The following ZEB1 variants were observed in gnomAD, a reference collection of about 807,000 sequenced individuals.
ZEB1 encodes the protein zinc finger E-box-binding homeobox 1.
In ZEB1, 21 loss-of-function variants were observed where a neutral mutation model predicts 84.9. The ratio of observed to expected loss-of-function variants is 0.25; its 90% CI spans 0.18 to 0.36. The LOEUF is 0.36. Ranked by LOEUF, ZEB1 falls within the 10% of genes least tolerant of loss-of-function variation. The pLI is 1.00. For synonymous variants in ZEB1, 420 were observed against 471.1 expected, an observed-to-expected ratio of 0.89 and a Z score of 1.41; for missense variants, 1,104 against 1,330.2, an observed-to-expected ratio of 0.83 and a Z score of 2.65.
intron 1 of ZEB1, among the ~76,000 whole-genome samples, chr10:31,440,250 A>G (rs77648976): frequency 1.3e-5 from 2 of 152,142 alleles, no homozygotes; most frequent in Non-Finnish European, 1.5e-5. Context: ...GTATTTGGCT[A>G]TGGTAAAAAA....
intron 8 of ZEB1, among the ~76,000 whole-genome samples, chr10:31,525,997 C>T (rs1220921512): frequency 6.6e-6 from 1 of 152,174 alleles, no homozygotes; most frequent in Non-Finnish European, 1.5e-5. Context: ...TGGACATTAT[C>T]GATCCTGACT....
chr10:31,445,389 T>A (rs2059625640), intron 1 of ZEB1, among the ~76,000 whole-genome samples: 1 of 148,786 alleles, frequency 6.7e-6, no homozygotes, highest in Non-Finnish European at 1.5e-5. Flanking sequence ...CCTCTTTTCC[T>A]AATTGAATAC....
At chr10:31,409,822 G>A (rs1196164215) in intron 1 of ZEB1, among the ~76,000 whole-genome samples, 1 of 152,096 alleles carries the variant, frequency 6.6e-6, no homozygotes, top group Non-Finnish European at 1.5e-5. Context: ...TTTATTATTA[G>A]TGTATAGGAA....
chr10:31,520,435 C>A lies in ZEB1; in HGVS notation c.1103C>A (p.Ser368Ter). 1 of 1,613,986 alleles carries A rather than the reference C, an allele frequency of 6.2e-7. No individual in the cohort carries two copies. Among genetic ancestry groups the A allele is most frequent in the South Asian group, 1.1e-5 (1 of 91,078 alleles). ...GTGGTTGCTTCAGGAATCAACTGTT[C>A]AACCCCTTTACAAAATGGGGTTTTC... is the stretch of plus-strand genomic sequence containing the variant. The part of the protein sequence containing the change: ...PIVVASGINC[S>*]TPLQNGVFTG... The change falls in exon 7 of 9, where the codon TCA becomes TAA. Residue 368 changes from serine to a stop codon, truncating the protein, a stop_gained. Transcript: ENST00000424869. LOFTEE classifies it high-confidence loss of function. This position sits in a 1 kb window ranked among gnomAD's most constrained non-coding sequence, Gnocchi z 5.1.
chr10:31,413,924 A>G lies in ZEB1; in HGVS notation c.59-47113A>G, dbSNP rs1337747686. Among the ~76,000 whole-genome samples, 3 of 152,280 alleles carry G rather than the reference A, an allele frequency of 2.0e-5. No homozygotes were observed. The East Asian group carries it at 5.8e-4, about 29-fold the overall frequency. ...AAACAGCTCTGTTGGTTTCCTGCTC[A>G]TGCATTAGAGCTTGTCCATAGCCAC... On this transcript the variant is annotated intron_variant, in intron 1 of 8. Transcript: ENST00000424869.
rs35031058 is a variant in ZEB1, at chr10:31,429,733, CTTTTTTTTTT to C, written c.59-31286_59-31277del. Among the ~76,000 whole-genome samples the C allele has an allele frequency of 1.5e-4, 12 of 79,542 alleles. No homozygotes were observed. The Admixed American group carries it at 1.5e-3, about 10-fold the overall frequency. The allele number at this position is 79,542 out of a possible 152,430, so 52.2% of individuals were successfully genotyped here. On this transcript the variant is annotated intron_variant, in intron 1 of 8. Transcript: ENST00000424869. Reference sequence around the variant, plus strand: ...CTGTTGTGAATACTTACAGGCAGAACTTTTTTTTTTTTTTTTTTTTTTTTTTTGAGACGAA... The same window carrying C: ...CTGTTGTGAATACTTACAGGCAGAACTTTTTTTTTTTTTTTTTGAGACGAA...
At chr10:31,441,854 TGA>T (rs2059036635) in intron 1 of ZEB1, among the ~76,000 whole-genome samples, 1 of 152,152 alleles carries the variant, frequency 6.6e-6, no homozygotes, top group African/African-American at 2.4e-5. Flanking sequence ...AAAACCACAA[TGA>T]GATACCATTT....
In ZEB1 at chr10:31,323,665, AT is replaced by A. The variant is rs2034709312; in HGVS notation, c.58+4374del. Among the ~76,000 whole-genome samples, 3 of 152,206 alleles carry A rather than the reference AT, an allele frequency of 2.0e-5. No individual in the cohort carries two copies. The South Asian group carries it at 6.2e-4, about 32-fold the overall frequency. On this transcript the variant is annotated intron_variant, in intron 1 of 8. Coordinates refer to ENST00000424869, the MANE Select transcript of ZEB1 (RefSeq NM_001174096.2). ...TACGTTGCTGTATGCTTGTATTTAA[AT>A]AATTCCTTTCAAGAAACTATATAAA...
intron 4 of ZEB1, among the ~76,000 whole-genome samples, chr10:31,508,866 C>T (rs553234054): frequency 4.6e-5 from 7 of 152,292 alleles, no homozygotes; most frequent in Non-Finnish European, 8.8e-5. Flanking sequence ...AGCCTGTCCT[C>T]AGGTCCCTTA....
intron 1 of ZEB1, among the ~76,000 whole-genome samples, chr10:31,390,921 CCTT>C (rs1248745730): frequency 6.6e-6 from 1 of 152,078 alleles, no homozygotes; most frequent in African/African-American, 2.4e-5. Flanking sequence ...ACAGTCACCT[CCTT>C]AGTAGTGTGG....
chr10:31,347,047 C>T (rs2040436789), intron 1 of ZEB1, among the ~76,000 whole-genome samples: 1 of 152,096 alleles, frequency 6.6e-6, no homozygotes, highest in Non-Finnish European at 1.5e-5. Flanking sequence ...TAAGATAAAG[C>T]TCAGCTTTAA....
intron 1 of ZEB1, among the ~76,000 whole-genome samples, chr10:31,416,086 C>T (rs1445385973): frequency 6.6e-6 from 1 of 151,628 alleles, no homozygotes; most frequent in Non-Finnish European, 1.5e-5. Context: ...ACAGTTTTGC[C>T]CTGTGTAGAA....
At chr10:31,362,535 G>A (rs79685292) in intron 1 of ZEB1, among the ~76,000 whole-genome samples, 1 of 151,784 alleles carries the variant, frequency 6.6e-6, no homozygotes, top group Non-Finnish European at 1.5e-5. Context: ...CAGGGCCTGG[G>A]CAGAGGCGCT....
At chr10:31,406,832 T>C (rs1464161026) in intron 1 of ZEB1, among the ~76,000 whole-genome samples, 1 of 152,092 alleles carries the variant, frequency 6.6e-6, no homozygotes. Flanking sequence ...TTAGGTCTTA[T>C]GTTTAAGTGT....
intron 1 of ZEB1, among the ~76,000 whole-genome samples, chr10:31,454,869 A>G (rs532641599): frequency 1.3e-5 from 2 of 152,354 alleles, no homozygotes; most frequent in African/African-American, 4.8e-5. Context: ...TACTGTCCCC[A>G]TCAAGCTACC....
intron 1 of ZEB1, among the ~76,000 whole-genome samples, chr10:31,348,908 A>G (rs2040814399): frequency 6.6e-6 from 1 of 152,226 alleles, no homozygotes; most frequent in African/African-American, 2.4e-5. Flanking sequence ...TAATTAACAT[A>G]TGCATTACCT....
At chr10:31,440,630 G>T (rs946049080) in intron 1 of ZEB1, among the ~76,000 whole-genome samples, 7 of 152,162 alleles carry the variant, frequency 4.6e-5, no homozygotes, top group Non-Finnish European at 8.8e-5. Flanking sequence ...CCTGTTTGCA[G>T]ATGACATGAT....
rs2072247486 is a variant in ZEB1, at chr10:31,521,125, A to G, written c.1793A>G (p.Lys598Arg). Residue 598 changes from lysine (K) to arginine (R), a missense_variant, in exon 7 of 9, where the codon AAA becomes AGA. Transcript: ENST00000424869. ...PPLKNLLSLL[K>R]AYYALNAQPS... ...TTAAAGAACCTCTTGTCTCTCCTAA[A>G]AGCATATTATGCTTTGAATGCACAA... 6.2e-7 allele frequency: 1 copy of G among 1,613,948 alleles called. No individual in the cohort carries two copies. Among genetic ancestry groups the G allele is most frequent in the Admixed American group, 1.7e-5 (1 of 59,984 alleles).
intron 1 of ZEB1, among the ~76,000 whole-genome samples, chr10:31,332,863 C>T (rs1414090804): frequency 6.6e-6 from 1 of 151,958 alleles, no homozygotes; most frequent in Non-Finnish European, 1.5e-5. Flanking sequence ...CTTTTGTGTT[C>T]TATGTTATTA....
Sources: allele counts gnomAD v4.1 joint callset (sites outside exome capture counted in the v4.1 genomes callset), GRCh38; gene constraint gnomAD v4.1.1; non-coding constraint Gnocchi (gnomAD v3.1); transcripts MANE v1.5; gene names NCBI Gene and HGNC (gene_info 2026-07-23, HGNC 2026-07-21).